The following STAG1 variants were observed in gnomAD, a reference collection of about 807,000 sequenced individuals.
STAG1 encodes the protein cohesin subunit SA-1.
Under a neutral mutation model 170.9 loss-of-function variants are expected in STAG1, and 26 were observed. The observed-to-expected ratio is 0.15, with a 90% CI of 0.11 to 0.21. The LOEUF is 0.21. STAG1 is among the 10% of genes least tolerant of loss of function. The pLI is 1.00. For missense variants in STAG1, 964 were observed against 1,509.5 expected, an observed-to-expected ratio of 0.64 and a Z score of 5.99; for synonymous variants, 514 against 497.7, an observed-to-expected ratio of 1.03 and a Z score of -0.44.
At chr3:136,697,497 C>T (rs757594164) in intron 1 of STAG1, among the ~76,000 whole-genome samples, 4 of 152,154 alleles carry the variant, frequency 2.6e-5, no homozygotes, top group Non-Finnish European at 5.9e-5. Context: ...TGAGATCCAG[C>T]CACCAGCATT....
chr3:136,516,122 C>G (rs2107895469), intron 7 of STAG1, among the ~76,000 whole-genome samples: 1 of 152,284 alleles, frequency 6.6e-6, no homozygotes, highest in East Asian at 1.9e-4. Context: ...ATTTTCACAT[C>G]TTAACCATAG....
intron 1 of STAG1, among the ~76,000 whole-genome samples, chr3:136,711,436 C>G (rs1175249763): frequency 6.6e-6 from 1 of 152,166 alleles, no homozygotes; most frequent in Admixed American, 6.5e-5. Context: ...TGGCTCACAC[C>G]TACGGTCCCA....
intron 1 of STAG1, among the ~76,000 whole-genome samples, chr3:136,686,183 T>TC (rs1214101595): frequency 1.3e-5 from 2 of 152,204 alleles, no homozygotes; most frequent in African/African-American, 2.4e-5. Flanking sequence ...TGAGTGTTTT[T>TC]CCCCTACCTG....
chr3:136,534,959 C>A (rs1935550256), intron 6 of STAG1, among the ~76,000 whole-genome samples: 1 of 152,184 alleles, frequency 6.6e-6, no homozygotes. Flanking sequence ...ATGTTTATCA[C>A]AGCACTATTC....
chr3:136,582,365 G>A (rs1410810146), intron 4 of STAG1, among the ~76,000 whole-genome samples: 2 of 152,174 alleles, frequency 1.3e-5, no homozygotes, highest in East Asian at 3.8e-4. Flanking sequence ...TGTAACAGAT[G>A]CTTTTGAAGT....
At chr3:136,371,604 A>G (rs1255301469) in intron 23 of STAG1, among the ~76,000 whole-genome samples, 1 of 152,234 alleles carries the variant, frequency 6.6e-6, no homozygotes, top group Non-Finnish European at 1.5e-5. Flanking sequence ...ACCATTTATT[A>G]AATAGGGAAT....
chr3:136,377,860 T>A (rs1937692129), intron 22 of STAG1, 108 bp from the exon 23 acceptor site: 4 of 835,608 alleles, frequency 4.8e-6, no homozygotes, highest in Non-Finnish European at 5.9e-6. Flanking sequence ...CTCAAGGAAA[T>A]TCATATAACC....
chr3:136,668,304 T>C (rs910128397), intron 1 of STAG1, among the ~76,000 whole-genome samples: 2 of 143,802 alleles, frequency 1.4e-5, no homozygotes, highest in African/African-American at 5.0e-5. Context: ...TAATATATAT[T>C]ATACATGACA....
intron 1 of STAG1, among the ~76,000 whole-genome samples, chr3:136,739,183 T>A (rs1396236827): frequency 6.6e-6 from 1 of 152,242 alleles, no homozygotes; most frequent in South Asian, 2.1e-4. Flanking sequence ...TCTGGCTCTA[T>A]CATTTACTAG....
At chr3:136,454,765 T>A (rs1242636084) in intron 13 of STAG1, among the ~76,000 whole-genome samples, 1 of 152,232 alleles carries the variant, frequency 6.6e-6, no homozygotes, top group African/African-American at 2.4e-5. Flanking sequence ...AATGTGGAAT[T>A]TTTGATCATG....
chr3:136,657,787 A>G (rs2107862226), intron 1 of STAG1, among the ~76,000 whole-genome samples: 1 of 152,274 alleles, frequency 6.6e-6, no homozygotes, highest in South Asian at 2.1e-4. Context: ...GCACCACTGC[A>G]CTCCAGCCTA....
At chr3:136,502,380 T>C (rs752133477) in intron 8 of STAG1, among the ~76,000 whole-genome samples, 7 of 152,174 alleles carry the variant, frequency 4.6e-5, no homozygotes, top group Admixed American at 2.0e-4. Flanking sequence ...CCTTATAACC[T>C]TTTTGAGTTG....
intron 14 of STAG1, among the ~76,000 whole-genome samples, chr3:136,445,740 C>A (rs1305517199): frequency 2.6e-5 from 4 of 152,148 alleles, no homozygotes; most frequent in African/African-American, 9.7e-5. Context: ...TACAGACTAT[C>A]CCCTTTCTAT....
intron 6 of STAG1, among the ~76,000 whole-genome samples, chr3:136,523,808 CA>C (rs1460593919): frequency 2.0e-5 from 3 of 152,164 alleles, no homozygotes; most frequent in Non-Finnish European, 4.4e-5. Context: ...CAGCTTTCTA[CA>C]TGTGGCTAGC....
At chr3:136,649,951 T>C (rs1434348204) in intron 1 of STAG1, among the ~76,000 whole-genome samples, 2 of 151,896 alleles carry the variant, frequency 1.3e-5, no homozygotes, top group African/African-American at 2.4e-5. Context: ...GTATTTTTAA[T>C]AGAGAGGGGG....
Position 136,639,167 on chromosome 3 carries a change from T to C in STAG1, c.-83-8186A>G, listed in dbSNP as rs1351185459. ...CTGGGCAACATAAGTAAGACTCCCA[T>C]CTCAAAAAAAGAAAAAAGAAAAGAA... On this transcript the variant is annotated intron_variant, in intron 1 of 33. Coordinates refer to ENST00000383202, the MANE Select transcript of STAG1 (RefSeq NM_005862.3). Among the ~76,000 whole-genome samples the C allele has an allele frequency of 3.8e-5, 5 of 133,286 alleles. No individual in the cohort carries two copies. In the Admixed American group the frequency reaches 3.9e-4, roughly 10 times the overall value. The allele number at this position is 133,286 out of a possible 152,430, so 87.4% of individuals were successfully genotyped here. A position where few individuals can be genotyped will look rare whatever the true frequency, so the allele number is the denominator to read the frequency against.
chr3:136,649,497 C>G (rs943606029), intron 1 of STAG1, among the ~76,000 whole-genome samples: 1 of 36,734 alleles, frequency 2.7e-5, no homozygotes, highest in East Asian at 5.5e-4. Flanking sequence ...AAAACAAAAA[C>G]AGAAACAAAA....
intron 22 of STAG1, 134 bp from the exon 23 acceptor site, chr3:136,377,886 A>G: frequency 1.4e-6 from 1 of 693,778 alleles, no homozygotes; most frequent in South Asian, 1.8e-5. Flanking sequence ...TAATGTTGGG[A>G]ACCATTTAAT....
chr3:136,557,811 C>A (rs1358689743), intron 5 of STAG1, among the ~76,000 whole-genome samples: 1 of 152,120 alleles, frequency 6.6e-6, no homozygotes, highest in Non-Finnish European at 1.5e-5. Flanking sequence ...AGTGCTATTA[C>A]TGCAGGCAAA....
Sources: allele counts gnomAD v4.1 joint callset (sites outside exome capture counted in the v4.1 genomes callset), GRCh38; gene constraint gnomAD v4.1.1; transcripts MANE v1.5; gene names NCBI Gene and HGNC (gene_info 2026-07-23, HGNC 2026-07-21).